Variants in C1orf159 observed in about 807,000 individuals in gnomAD.
C1orf159 encodes uncharacterized protein C1orf159.
A neutral mutation model predicts 25.6 loss-of-function variants in C1orf159; 19 were observed. The observed-to-expected ratio is 0.74, with a 90% CI of 0.52 to 1.09. The LOEUF (loss-of-function observed/expected upper bound fraction) is 1.09. Ranked by LOEUF, C1orf159 falls within the 50% of genes least tolerant of loss-of-function variation. C1orf159 has a pLI of 0.00. For missense variants in C1orf159, 274 were observed against 290.6 expected (o/e 0.94, Z 0.42); for synonymous variants, 139 against 124.7 (o/e 1.12, Z -0.77).
rs1557745971 is a variant in C1orf159, at chr1:1,085,930, GA to G, written c.392del (p.Phe131SerfsTer30). On this transcript the variant is annotated frameshift_variant, in exon 7 of 10. Transcript: ENST00000421241. LOFTEE classifies it high-confidence loss of function. ...GGAGTTTACTGGAGCGCTTGAGGTA[GA>G]AGAACCCAGCTACGGAGAGGATGAG... is the stretch of plus-strand genomic sequence containing the variant. The part of the protein sequence containing the change: ...SGLILSVAGF[F>X]YLKRSSKLPR... 6.2e-7 allele frequency: 1 copy of G among 1,613,432 alleles called. No individual in the cohort carries two copies. Among genetic ancestry groups the G allele is most frequent in the South Asian group, 1.1e-5 (1 of 91,080 alleles).
intron 1 of C1orf159, among the ~76,000 whole-genome samples, chr1:1,113,195 CA>C (rs545670130): frequency 0.37 from 49,151 of 134,056 alleles, 8,235 homozygotes; most frequent in Middle Eastern, 0.53. Flanking sequence ...GACTCCATCT[CA>C]AAAAAAAAAA....
intron 1 of C1orf159, 74 bp from the exon 2 acceptor site, chr1:1,092,177 G>C: frequency 2.9e-6 from 1 of 346,070 alleles, no homozygotes. Flanking sequence ...TACGGTGCGG[G>C]GTCTGGGTCC....
chr1:1,113,430 T>G (rs1460206362), intron 1 of C1orf159, among the ~76,000 whole-genome samples: 1 of 152,198 alleles, frequency 6.6e-6, no homozygotes, highest in African/African-American at 2.4e-5. Flanking sequence ...CTTTTCTTTG[T>G]GAAACAGGCT....
At position 1,083,374 on chromosome 1, in the gene C1orf159, C is replaced by T. The variant is rs188930619; in HGVS notation, c.503-387G>A. On this transcript the variant is annotated intron_variant, in intron 9 of 9. Coordinates refer to ENST00000421241, the MANE Select transcript of C1orf159 (RefSeq NM_017891.5). ...GAAGAAGGGGCTTTGCAGGGGGTTACGTCAGGGTCTCAGGTGTGATCGCCC... is the reference window on the plus strand; with the variant it reads ...GAAGAAGGGGCTTTGCAGGGGGTTATGTCAGGGTCTCAGGTGTGATCGCCC... 9.6e-5 allele frequency: 21 copies of T among 219,602 alleles called. No homozygotes were observed. In the Admixed American group the frequency reaches 9.7e-4, roughly 10 times the overall value. 13.6% of individuals were successfully genotyped at this position (219,602 alleles called of 1,614,324 possible).
chr1:1,088,374 G>C (rs973055340), intron 4 of C1orf159, among the ~76,000 whole-genome samples: 2 of 116,600 alleles, frequency 1.7e-5, no homozygotes, highest in African/African-American at 7.1e-5. Flanking sequence ...GCAGTGCCTG[G>C]AGCGGCTGCC....
At chr1:1,103,614 A>T (rs1016674619) in intron 1 of C1orf159, among the ~76,000 whole-genome samples, 10 of 139,356 alleles carry the variant, frequency 7.2e-5, no homozygotes, top group African/African-American at 2.8e-4. Flanking sequence ...ATCTATACAC[A>T]GGACTCCTCC....
chr1:1,111,490 G>A (rs746754481), intron 1 of C1orf159, among the ~76,000 whole-genome samples: 16 of 151,992 alleles, frequency 1.1e-4, no homozygotes, highest in Non-Finnish European at 1.8e-4. Context: ...AGCCATGATC[G>A]CACCACTGCA....
At chr1:1,115,711 G>A (rs1557441382) in intron 1 of C1orf159, among the ~76,000 whole-genome samples, 1 of 43,502 alleles carries the variant, frequency 2.3e-5, no homozygotes, top group Non-Finnish European at 4.1e-5. Flanking sequence ...TCCCCGCTCC[G>A]GGAACCCCCT....
chr1:1,081,895 T>C lies in C1orf159; in HGVS notation c.*998A>G, dbSNP rs537381111. On this transcript the variant is annotated 3_prime_UTR_variant, in exon 10 of 10. Coordinates refer to ENST00000421241, the MANE Select transcript of C1orf159 (RefSeq NM_017891.5). This position sits in a 1 kb window ranked among gnomAD's most constrained non-coding sequence, Gnocchi z 7.1. ...CCGCTGGCCCAGGTCCCGGAGACCA[T>C]GATGGCACCCACAGTGGACTTCGCA... The C allele has an allele frequency of 6.6e-6, 1 of 152,426 alleles. No individual in the cohort carries two copies. The highest frequency in any genetic ancestry group is 2.1e-4 in the South Asian group (1 of 4,836). The allele number at this position is 152,426 out of a possible 1,614,324, so 9.4% of individuals were successfully genotyped here.
chr1:1,085,301 G>A (rs1461273832), intron 7 of C1orf159: 2 of 430,582 alleles, frequency 4.6e-6, no homozygotes, highest in Non-Finnish European at 9.4e-6. Flanking sequence ...GGACCCTGCG[G>A]GGGCCGGCCC....
At chr1:1,094,322 G>C (rs765026320) in intron 1 of C1orf159, among the ~76,000 whole-genome samples, 1 of 152,006 alleles carries the variant, frequency 6.6e-6, no homozygotes, top group Non-Finnish European at 1.5e-5. Context: ...AGAGGTGTGC[G>C]TCACCACCAC....
chr1:1,115,719 C>T (rs1646329080), intron 1 of C1orf159, among the ~76,000 whole-genome samples: 1 of 110,130 alleles, frequency 9.1e-6, no homozygotes, highest in African/African-American at 3.6e-5. Context: ...CCGGGAACCC[C>T]CTCCCCTCCT....
chr1:1,099,765 T>C (rs1248396650), intron 1 of C1orf159, among the ~76,000 whole-genome samples: 1 of 152,152 alleles, frequency 6.6e-6, no homozygotes, highest in Admixed American at 6.5e-5. Flanking sequence ...CTGTTTTTGG[T>C]CTATTGTTCT....
chr1:1,107,874 G>A (rs1347947308), intron 1 of C1orf159, among the ~76,000 whole-genome samples: 1 of 152,114 alleles, frequency 6.6e-6, no homozygotes, highest in Non-Finnish European at 1.5e-5. Flanking sequence ...CTTCACTCCT[G>A]AAGCCAGTGA....
intron 1 of C1orf159, among the ~76,000 whole-genome samples, chr1:1,102,091 A>AAAAAAC (rs1557432148): frequency 6.6e-6 from 1 of 150,776 alleles, no homozygotes; most frequent in Non-Finnish European, 1.5e-5. Context: ...AAAAAAAAAA[A>AAAAAAC]AAAAACAAAC....
chr1:1,099,715 G>C (rs1335422252), intron 1 of C1orf159, among the ~76,000 whole-genome samples: 2 of 151,426 alleles, frequency 1.3e-5, no homozygotes, highest in African/African-American at 2.4e-5. Context: ...GAGAGAGAGA[G>C]AGGTTAAAAT....
chr1:1,083,026 C>G, intron 9 of C1orf159, 39 bp from the exon 10 acceptor site: 1 of 1,523,462 alleles, frequency 6.6e-7, no homozygotes, highest in Non-Finnish European at 8.9e-7. Flanking sequence ...AGAGTGGGAC[C>G]TGGACAGCAG....
chr1:1,115,739 C>T lies in C1orf159; in HGVS notation c.-136+321G>A, dbSNP rs1289096966. 1.0e-4 allele frequency among the ~76,000 whole-genome samples: 11 copies of T among 107,282 alleles called. 1 individual carries two copies. Among genetic ancestry groups the T allele is most frequent in the Admixed American group, 8.5e-4 (10 of 11,822 alleles). 70.4% of individuals were successfully genotyped at this position (107,282 alleles called of 152,430 possible). On this transcript the variant is annotated intron_variant, in intron 1 of 9. Coordinates refer to ENST00000421241, the MANE Select transcript of C1orf159 (RefSeq NM_017891.5). ...AACCCCCTCCCCTCCTTAGGGACCC[C>T]CTCCCCACCCCTCCCCGGGGTCCCC... is the stretch of plus-strand genomic sequence containing the variant.
chr1:1,113,974 TGG>T (rs1646299045), intron 1 of C1orf159, among the ~76,000 whole-genome samples: 1 of 145,458 alleles, frequency 6.9e-6, no homozygotes, highest in Non-Finnish European at 1.5e-5. Flanking sequence ...TGCAGTGCAG[TGG>T]CGCAATCTCG....
Sources: gnomAD v4.1 joint callset for allele counts (sites outside exome capture counted in the v4.1 genomes callset) on GRCh38, gnomAD v4.1.1 for gene constraint, Gnocchi (gnomAD v3.1) non-coding constraint, MANE v1.5 for transcripts, NCBI Gene and HGNC (gene_info 2026-07-23, HGNC 2026-07-21) for gene names.